Variants in CPXM2 observed in about 807,000 individuals in gnomAD.
CPXM2 encodes carboxypeptidase X, M14 family member 2, also known as inactive carboxypeptidase-like protein X2.
CPXM2 carries 66 observed loss-of-function variants against 86.1 expected under a neutral mutation model. That is an observed-to-expected ratio of 0.77 (90% CI 0.63 to 0.94). CPXM2 has a LOEUF of 0.94. Among genes scored for constraint, CPXM2 ranks in the 40% least tolerant of loss-of-function variants. The pLI is 0.00. For synonymous variants in CPXM2, 388 were observed against 400.2 expected, an observed-to-expected ratio of 0.97 and a Z score of 0.36; for missense variants, 948 against 1,026.3, an observed-to-expected ratio of 0.92 and a Z score of 1.04.
chr10:123,826,825 T>C (rs1848057132), intron 4 of CPXM2, among the ~76,000 whole-genome samples: 1 of 152,018 alleles, frequency 6.6e-6, no homozygotes, highest in South Asian at 2.1e-4. Flanking sequence ...AGACAAATAA[T>C]GGTATTACAT....
At chr10:123,846,856 T>C (rs1199545194) in intron 3 of CPXM2, among the ~76,000 whole-genome samples, 3 of 152,160 alleles carry the variant, frequency 2.0e-5, no homozygotes, top group Non-Finnish European at 4.4e-5. Flanking sequence ...AAAAATGATA[T>C]TGAAGGTTTT....
At chr10:123,759,209 G>A (rs1422715530) in intron 11 of CPXM2, among the ~76,000 whole-genome samples, 1 of 152,204 alleles carries the variant, frequency 6.6e-6, no homozygotes, top group Non-Finnish European at 1.5e-5. Context: ...CAAACCTGCA[G>A]TATGGAATTA....
At chr10:123,872,732 T>G (rs1944913627) in intron 2 of CPXM2, among the ~76,000 whole-genome samples, 1 of 152,074 alleles carries the variant, frequency 6.6e-6, no homozygotes, top group Non-Finnish European at 1.5e-5. Context: ...AAATAAAGAA[T>G]GAACACTAAT....
rs575465622 is a variant in CPXM2 at position 123,868,006 on chromosome 10, G to A, written c.404-5283C>T. Among the ~76,000 whole-genome samples the A allele has an allele frequency of 3.3e-5, 5 of 152,322 alleles. No individual in the cohort carries two copies. In the South Asian group the frequency reaches 1.0e-3, roughly 32 times the overall value. ...GCCACGTAAGAGAGAGGAGGTCTGG[G>A]GAATCTTAAACCTGCAGAATGGTCT... On this transcript the variant is annotated intron_variant, in intron 2 of 13. Coordinates refer to ENST00000241305, the MANE Select transcript of CPXM2 (RefSeq NM_198148.3).
chr10:123,848,964 G>A (rs559554244), intron 3 of CPXM2, among the ~76,000 whole-genome samples: 1 of 152,146 alleles, frequency 6.6e-6, no homozygotes, highest in Non-Finnish European at 1.5e-5. Context: ...AGCCACTGGG[G>A]GTACAAGTAT....
intron 4 of CPXM2, among the ~76,000 whole-genome samples, chr10:123,829,196 C>G (rs1439055997): frequency 1.3e-5 from 2 of 151,986 alleles, no homozygotes; most frequent in Non-Finnish European, 2.9e-5. Flanking sequence ...GTCAGAATGG[C>G]TAAAATAAAA....
intron 10 of CPXM2, 98 bp downstream of exon 10, chr10:123,766,875 G>T: frequency 1.0e-6 from 1 of 991,526 alleles, no homozygotes; most frequent in Non-Finnish European, 1.6e-6. Context: ...GAAAAAAACA[G>T]TTTTGTCTCT....
chr10:123,940,250 C>T (rs549201651), exon 1 of CPXM2: 2 of 152,308 alleles, frequency 1.3e-5, no homozygotes, highest in Non-Finnish European at 2.9e-5. Context: ...CACCTCCATG[C>T]CTCTTCTTTA....
At chr10:123,834,143 G>A (rs1444899666) in intron 4 of CPXM2, among the ~76,000 whole-genome samples, 1 of 152,172 alleles carries the variant, frequency 6.6e-6, no homozygotes, top group Non-Finnish European at 1.5e-5. Flanking sequence ...CTCTGACACC[G>A]GTGAGGACCT....
In CPXM2 at chr10:123,757,203, C is replaced by T. The variant is rs755623008; in HGVS notation, c.1917+10G>A. On this transcript the variant is annotated intron_variant, in intron 12 of 13. Coordinates refer to ENST00000241305, the MANE Select transcript of CPXM2 (RefSeq NM_198148.3). ...GTCCCCCTCATCCCAGCCACACACC[C>T]GCAATATACCTGCTCCATGAACACG... is the stretch of plus-strand genomic sequence containing the variant. 5.1e-5 allele frequency: 82 copies of T among 1,612,738 alleles called. No individual in the cohort carries two copies. In the East Asian group the frequency reaches 1.4e-3, roughly 28 times the overall value.
intron 2 of CPXM2, among the ~76,000 whole-genome samples, chr10:123,930,248 C>CT (rs1414369819): frequency 3.3e-5 from 5 of 152,346 alleles, no homozygotes; most frequent in Non-Finnish European, 7.3e-5. Context: ...TGGGCTTTTG[C>CT]TCAAACCTCC....
intron 11 of CPXM2, among the ~76,000 whole-genome samples, chr10:123,758,885 A>G (rs1186038019): frequency 6.6e-6 from 1 of 151,586 alleles, no homozygotes; most frequent in African/African-American, 2.4e-5. Flanking sequence ...ACCAGAAGGA[A>G]CCCTCTCCTG....
intron 4 of CPXM2, among the ~76,000 whole-genome samples, chr10:123,826,852 G>A (rs761257679): frequency 1.3e-5 from 2 of 151,998 alleles, no homozygotes; most frequent in African/African-American, 4.8e-5. Flanking sequence ...AAAAGACACA[G>A]CTCACAATAA....
intron 4 of CPXM2, among the ~76,000 whole-genome samples, chr10:123,803,118 C>CTTTTTTTTTTTTTTTTTTTTTTTTT (rs532954173): frequency 1.6e-5 from 1 of 63,642 alleles, no homozygotes; most frequent in African/African-American, 5.6e-5. Flanking sequence ...TTGTAGTACC[C>CTTTTTTTTTTTTTTTTTTTTTTTTT]TTTTTTTTTT....
chr10:123,792,819 T>G (rs559553159), intron 6 of CPXM2, among the ~76,000 whole-genome samples: 3 of 152,260 alleles, frequency 2.0e-5, no homozygotes, highest in African/African-American at 7.2e-5. Flanking sequence ...TCTGCAATAC[T>G]CATGCACACA....
chr10:123,859,938 G>A (rs1248389220), intron 3 of CPXM2, among the ~76,000 whole-genome samples: 1 of 152,122 alleles, frequency 6.6e-6, no homozygotes, highest in African/African-American at 2.4e-5. Context: ...TGCAGCCCAG[G>A]AAAGGTAGGT....
At chr10:123,856,015 C>T (rs1301284381) in intron 3 of CPXM2, among the ~76,000 whole-genome samples, 3 of 152,182 alleles carry the variant, frequency 2.0e-5, no homozygotes, top group South Asian at 2.1e-4. Context: ...GCCAAACGAC[C>T]GTGACCAGGC....
intron 3 of CPXM2, among the ~76,000 whole-genome samples, chr10:123,844,487 A>G (rs983783156): frequency 6.6e-6 from 1 of 152,180 alleles, no homozygotes; most frequent in African/African-American, 2.4e-5. Context: ...AACAGACTCA[A>G]TTTTGCTTAA....
At chr10:123,863,217 C>T (rs553204026) in intron 2 of CPXM2, among the ~76,000 whole-genome samples, 9 of 152,226 alleles carry the variant, frequency 5.9e-5, no homozygotes, top group African/African-American at 7.2e-5. Context: ...AGTGCTTGAT[C>T]GTCCCAGCCT....
Sources: allele counts gnomAD v4.1 joint callset (sites outside exome capture counted in the v4.1 genomes callset), GRCh38; gene constraint gnomAD v4.1.1; transcripts MANE v1.5; gene names NCBI Gene and HGNC (gene_info 2026-07-23, HGNC 2026-07-21).